The following NDUFA7 variants were observed in gnomAD, a reference collection of about 807,000 sequenced individuals.
The protein encoded by NDUFA7 is NADH:ubiquinone oxidoreductase subunit A7.
NDUFA7 carries 18 observed loss-of-function variants against 14.2 expected under a neutral mutation model. The observed-to-expected ratio is 1.27, with a 90% CI of 0.88 to 1.88. The LOEUF is 1.88. Among genes scored for constraint, NDUFA7 ranks in the 40% most tolerant of loss-of-function variants. The pLI is 0.00. For missense variants in NDUFA7, 172 were observed against 147.3 expected, an observed-to-expected ratio of 1.17 and a Z score of -0.87; for synonymous variants, 75 against 62.1, an observed-to-expected ratio of 1.21 and a Z score of -0.98.
intron 3 of NDUFA7, among the ~76,000 whole-genome samples, chr19:8,314,442 C>T (rs150381248): frequency 1.1e-3 from 172 of 151,514 alleles, no homozygotes; most frequent in African/African-American, 3.7e-3. Context: ...CTGGCTGAGG[C>T]GCTAACTTCT....
downstream of NDUFA7, among the ~76,000 whole-genome samples, chr19:8,308,595 T>C (rs1455795811): frequency 2.0e-5 from 3 of 152,352 alleles, no homozygotes; most frequent in Non-Finnish European, 4.4e-5. Flanking sequence ...GCTGCAAATG[T>C]TACTGCCTCG....
chr19:8,313,180 C>T (rs982263455), intron 3 of NDUFA7, among the ~76,000 whole-genome samples: 3 of 151,950 alleles, frequency 2.0e-5, no homozygotes, highest in Non-Finnish European at 2.9e-5. Context: ...CTCAGCTTCC[C>T]GAGTCACTGG....
rs567865675 is a variant in NDUFA7 at position 8,316,609 on chromosome 19, G to C, written c.138C>G (p.Ser46Arg). 4 of 1,614,154 alleles carry C rather than the reference G, an allele frequency of 2.5e-6. No individual in the cohort carries two copies. The highest frequency in any genetic ancestry group is 2.2e-5 in the East Asian group (1 of 44,882). Residue 46 changes from serine (S) to arginine (R), a missense_variant, in exon 3 of 4, where the codon AGC becomes AGG. Coordinates refer to ENST00000301457, the MANE Select transcript of NDUFA7 (RefSeq NM_005001.5). ...AATAGTAATTGTTGGAGAGCTTGTGGCTAGGACCCACAGGGAGCTTGGGAG... is the reference window on the plus strand; with the variant it reads ...AATAGTAATTGTTGGAGAGCTTGTGCCTAGGACCCACAGGGAGCTTGGGAG... ...QPPPKLPVGPSHKLSNNYYCT... is the reference protein window; with the variant it reads ...QPPPKLPVGPRHKLSNNYYCT...
Position 8,311,486 on chromosome 19 carries a change from T to C in NDUFA7, c.*19A>G, listed in dbSNP as rs184145768. 1 of 1,576,786 alleles carries C rather than the reference T, an allele frequency of 6.3e-7. No individual in the cohort carries two copies. The highest frequency in any genetic ancestry group is 1.4e-5 in the African/African-American group (1 of 73,828). ...AATCCAAGGAGGCAAAGTAGTCGGGTGGCCGTGAGGGTGCAGTGTCACAGG... is the reference window on the plus strand; with the variant it reads ...AATCCAAGGAGGCAAAGTAGTCGGGCGGCCGTGAGGGTGCAGTGTCACAGG... On this transcript the variant is annotated 3_prime_UTR_variant, in exon 4 of 4. Transcript: ENST00000301457.
intron 2 of NDUFA7, chr19:8,319,185 G>C (rs939085319): frequency 6.6e-6 from 1 of 152,044 alleles, no homozygotes; most frequent in African/African-American, 2.4e-5. Flanking sequence ...GTGATAGGTT[G>C]ATCTTTGATC....
intron 2 of NDUFA7, among the ~76,000 whole-genome samples, chr19:8,320,512 C>T (rs1214088322): frequency 6.6e-6 from 1 of 152,174 alleles, no homozygotes; most frequent in African/African-American, 2.4e-5. Context: ...TTCAAGTCCC[C>T]GCTGCCACTT....
chr19:8,317,971 C>T (rs1970255351), intron 2 of NDUFA7, among the ~76,000 whole-genome samples: 1 of 150,272 alleles, frequency 6.7e-6, no homozygotes, highest in African/African-American at 2.4e-5. Context: ...CCACTCCTGG[C>T]CTTTTTCTTA....
chr19:8,321,200 G>A, intron 1 of NDUFA7, 108 bp downstream of exon 1: 2 of 1,317,166 alleles, frequency 1.5e-6, no homozygotes, highest in Non-Finnish European at 2.0e-6. Context: ...AGGGAGATTC[G>A]GGGAGAGCGA....
intron 2 of NDUFA7, among the ~76,000 whole-genome samples, chr19:8,320,354 C>G (rs2145400640): frequency 6.6e-6 from 1 of 152,270 alleles, no homozygotes; most frequent in South Asian, 2.1e-4. Context: ...ATGCTTCTCC[C>G]TAGAATGTGG....
At chr19:8,309,737 C>G (rs1370651009), downstream of NDUFA7, among the ~76,000 whole-genome samples, 1 of 152,130 alleles carries the variant, frequency 6.6e-6, no homozygotes, top group Non-Finnish European at 1.5e-5. Context: ...GAGGGCAGGG[C>G]GGTCTCAGCA....
chr19:8,316,526 T>C lies in NDUFA7; in HGVS notation c.221A>G (p.Lys74Arg), dbSNP rs1240881257. ...VPPSIIMSSQKALVSGKPAES... is the reference protein window; with the variant it reads ...VPPSIIMSSQRALVSGKPAES... ...TGCTGGCTTGCCTGACACCAGCGCC[T>C]TCTGCGACGACATGATGATGGAAGG... is the stretch of plus-strand genomic sequence containing the variant. Residue 74 changes from lysine (K) to arginine (R), a missense_variant, in exon 3 of 4, where the codon AAG becomes AGG. Physicochemically the swap from Lys to Arg is conservative, Grantham distance 26. Coordinates refer to ENST00000301457, the MANE Select transcript of NDUFA7 (RefSeq NM_005001.5). 6.2e-7 allele frequency: 1 copy of C among 1,614,024 alleles called. No individual in the cohort carries two copies. Among genetic ancestry groups the C allele is most frequent in the Admixed American group, 1.7e-5 (1 of 59,994 alleles).
downstream of NDUFA7, among the ~76,000 whole-genome samples, chr19:8,309,629 A>G (rs916865626): frequency 1.3e-5 from 2 of 152,036 alleles, no homozygotes; most frequent in Non-Finnish European, 2.9e-5. Flanking sequence ...TTTTGCCCCA[A>G]GCAGAATCCC....
chr19:8,309,203 C>G (rs2232764), downstream of NDUFA7, among the ~76,000 whole-genome samples: 56,714 of 151,774 alleles, frequency 0.37, 10,674 homozygotes, highest in East Asian at 0.39. Context: ...GGCCGGCGCG[C>G]TGGCTCACGC....
At chr19:8,308,734 T>C (rs142566979), downstream of NDUFA7, 473 of 226,256 alleles carry the variant, frequency 2.1e-3, 2 homozygotes, top group East Asian at 0.015. Flanking sequence ...CGAGTCCCCA[T>C]AGAATGCTAG....
intron 3 of NDUFA7, among the ~76,000 whole-genome samples, chr19:8,313,281 A>C (rs1338193967): frequency 6.7e-6 from 1 of 149,494 alleles, no homozygotes; most frequent in East Asian, 2.0e-4. Flanking sequence ...CCCAGGCTGG[A>C]GTGCAGTGGC....
At chr19:8,319,041 G>C (rs1210008726) in intron 2 of NDUFA7, among the ~76,000 whole-genome samples, 1 of 147,002 alleles carries the variant, frequency 6.8e-6, no homozygotes, top group African/African-American at 2.5e-5. Flanking sequence ...TCCTAAAAAA[G>C]TCAAAACTTT....
chr19:8,317,900 T>C (rs1439083612), intron 2 of NDUFA7, among the ~76,000 whole-genome samples: 1 of 152,208 alleles, frequency 6.6e-6, no homozygotes, highest in African/African-American at 2.4e-5. Context: ...GTCGAATTCC[T>C]GGCCTTAAGT....
chr19:8,309,158 T>TG (rs1332305176), downstream of NDUFA7, among the ~76,000 whole-genome samples: 3 of 151,454 alleles, frequency 2.0e-5, no homozygotes, highest in African/African-American at 7.3e-5. Flanking sequence ...CACTCCAGCG[T>TG]GGGTGACAGT....
intron 2 of NDUFA7, among the ~76,000 whole-genome samples, chr19:8,319,988 C>G (rs1970282230): frequency 6.6e-6 from 1 of 151,912 alleles, no homozygotes; most frequent in Non-Finnish European, 1.5e-5. Flanking sequence ...TGGGACTACC[C>G]GCGCGCGCCA....
Sources: allele counts gnomAD v4.1 joint callset (sites outside exome capture counted in the v4.1 genomes callset), GRCh38; gene constraint gnomAD v4.1.1; transcripts MANE v1.5; gene names NCBI Gene and HGNC (gene_info 2026-07-23, HGNC 2026-07-21).